Variants in RPS6KC1 observed in about 807,000 individuals in gnomAD.
RPS6KC1 encodes ribosomal protein S6 kinase C1, also known as inactive ribosomal protein S6 kinase delta-1.
RPS6KC1 carries 54 observed loss-of-function variants against 103.8 expected under a neutral mutation model. That is an observed-to-expected ratio of 0.52 (90% CI 0.42 to 0.65). The LOEUF is 0.65. RPS6KC1 is among the 30% of genes least tolerant of loss of function. The probability of loss-of-function intolerance (pLI) is 0.00; values close to 1 mark genes in which losing one functional copy is unlikely to be tolerated. For synonymous variants in RPS6KC1, 439 were observed against 438.7 expected, an observed-to-expected ratio of 1.00 and a Z score of -0.01; for missense variants, 1,151 against 1,253.8, an observed-to-expected ratio of 0.92 and a Z score of 1.24.
chr1:213,642,285 A>T, the RPS6KC1 span, among the ~76,000 whole-genome samples: 31 of 152,134 alleles, frequency 2.0e-4, no homozygotes. Flanking sequence ...CTAGTGGGCC[A>T]GACATTCTGT....
the RPS6KC1 span, among the ~76,000 whole-genome samples, chr1:213,622,307 T>C: frequency 6.6e-6 from 1 of 151,858 alleles, no homozygotes; most frequent in East Asian, 1.9e-4. Context: ...CATGTACTTA[T>C]TTTGCCAGTC....
chr1:213,280,104 G>C, the RPS6KC1 span, among the ~76,000 whole-genome samples: 3 of 152,154 alleles, frequency 2.0e-5, no homozygotes, highest in Non-Finnish European at 4.4e-5. Flanking sequence ...TAGGAAGCTT[G>C]CCCAGGAGTC....
the RPS6KC1 span, among the ~76,000 whole-genome samples, chr1:213,576,110 C>T: frequency 6.6e-6 from 1 of 152,140 alleles, no homozygotes; most frequent in African/African-American, 2.4e-5. Context: ...ACGCATACAG[C>T]TGGCTCTGCA....
intron 4 of RPS6KC1, among the ~76,000 whole-genome samples, 153 bp from the exon 5 acceptor site, chr1:213,117,164 G>GC (rs1553330824): frequency 6.7e-6 from 1 of 150,330 alleles, no homozygotes; most frequent in Non-Finnish European, 1.5e-5. Flanking sequence ...TATACCTATT[G>GC]TTTTTTTTTG....
Position 213,240,958 on chromosome 1 carries a change from T to C in RPS6KC1, c.1482T>C (p.Ser494=), listed in dbSNP as rs1285000601. The part of the protein sequence containing the change: ...SNQEDDGQDS[S]PKWPDSGSSS... ...AGGAAGATGATGGCCAAGATAGCTC[T>C]CCAAAGTGGCCAGATTCTGGTTCAA... Residue 494 remains serine (S), a synonymous_variant, in exon 11 of 15, where the codon TCT becomes TCC. Transcript: ENST00000366960. The C allele has an allele frequency of 6.2e-7, 1 of 1,613,842 alleles. No homozygotes were observed. Among genetic ancestry groups the C allele is most frequent in the East Asian group, 2.2e-5 (1 of 44,860 alleles).
the RPS6KC1 span, among the ~76,000 whole-genome samples, chr1:213,805,815 C>T: frequency 6.6e-6 from 1 of 152,192 alleles, no homozygotes; most frequent in African/African-American, 2.4e-5. Flanking sequence ...CTATCTGTGG[C>T]CTCAGAAAAT....
the RPS6KC1 span, among the ~76,000 whole-genome samples, chr1:213,712,366 C>T: frequency 1.3e-5 from 2 of 152,176 alleles, no homozygotes; most frequent in Non-Finnish European, 2.9e-5. Flanking sequence ...CCCCTCCCCT[C>T]ACCAAGCTCA....
At chr1:213,363,679 TTTCTTTCTTTCTTTCTTTCTTTCC>T in the RPS6KC1 span, among the ~76,000 whole-genome samples, 168 of 89,452 alleles carry the variant, frequency 1.9e-3, 15 homozygotes, top group African/African-American at 3.8e-3. Flanking sequence ...TCTTTCTTTC[TTTCTTTCTTTCTTTCTTTCTTTCC>T]TTCTTTCTTT....
chr1:213,504,126 C>T, the RPS6KC1 span, among the ~76,000 whole-genome samples: 1 of 152,000 alleles, frequency 6.6e-6, no homozygotes, highest in Non-Finnish European at 1.5e-5. Flanking sequence ...CAGGTATATA[C>T]AATTATGATA....
chr1:213,655,168 G>A, the RPS6KC1 span, among the ~76,000 whole-genome samples: 4 of 151,642 alleles, frequency 2.6e-5, no homozygotes, highest in Non-Finnish European at 5.9e-5. Context: ...TCAGCCTCTC[G>A]AGTAGCTGGG....
intron 6 of RPS6KC1, among the ~76,000 whole-genome samples, chr1:213,151,244 C>A (rs1342408616): frequency 8.7e-6 from 1 of 115,282 alleles, no homozygotes; most frequent in Admixed American, 7.8e-5. Flanking sequence ...CCCTCCCGGA[C>A]GGGGCGGCTG....
At chr1:213,560,149 C>G in the RPS6KC1 span, among the ~76,000 whole-genome samples, 2 of 152,108 alleles carry the variant, frequency 1.3e-5, no homozygotes, top group Non-Finnish European at 2.9e-5. Flanking sequence ...ACTCCCAGCC[C>G]CTGATATACA....
the RPS6KC1 span, among the ~76,000 whole-genome samples, chr1:213,789,158 G>A: frequency 6.6e-6 from 1 of 152,120 alleles, no homozygotes; most frequent in Non-Finnish European, 1.5e-5. Context: ...AGAAAGGTTG[G>A]AATTTAGTCA....
the RPS6KC1 span, among the ~76,000 whole-genome samples, chr1:213,389,645 C>T: frequency 6.6e-6 from 1 of 152,328 alleles, no homozygotes; most frequent in East Asian, 1.9e-4. Flanking sequence ...CTCTGAGTCT[C>T]TGCTCTCTCC....
chr1:213,094,245 AT>A (rs2081255007), intron 3 of RPS6KC1, among the ~76,000 whole-genome samples: 1 of 152,180 alleles, frequency 6.6e-6, no homozygotes, highest in African/African-American at 2.4e-5. Context: ...TGCAGACATC[AT>A]GATATTTCAT....
At chr1:213,179,900 CTT>C (rs992049821) in intron 8 of RPS6KC1, among the ~76,000 whole-genome samples, 18 of 151,928 alleles carry the variant, frequency 1.2e-4, no homozygotes, top group African/African-American at 3.9e-4. Context: ...TGAATTGAAA[CTT>C]AATTAATTTT....
At chr1:213,713,454 C>CT in the RPS6KC1 span, among the ~76,000 whole-genome samples, 1 of 152,114 alleles carries the variant, frequency 6.6e-6, no homozygotes, top group Non-Finnish European at 1.5e-5. Context: ...CATAGCAGTA[C>CT]TTTTTTTAGT....
the RPS6KC1 span, among the ~76,000 whole-genome samples, chr1:213,784,689 T>A: frequency 2.6e-5 from 4 of 152,170 alleles, no homozygotes; most frequent in African/African-American, 9.6e-5. Flanking sequence ...GATCCACAGA[T>A]GAAAGCTGGA....
chr1:213,558,621 C>T, the RPS6KC1 span, among the ~76,000 whole-genome samples: 2 of 152,222 alleles, frequency 1.3e-5, no homozygotes, highest in Non-Finnish European at 2.9e-5. Flanking sequence ...GGAAATCACG[C>T]ACTGTTAAAA....
Sources: gnomAD v4.1 joint callset for allele counts (sites outside exome capture counted in the v4.1 genomes callset) on GRCh38, gnomAD v4.1.1 for gene constraint, MANE v1.5 for transcripts, NCBI Gene and HGNC (gene_info 2026-07-23, HGNC 2026-07-21) for gene names.